The following RBFOX1 variants were observed in gnomAD, a reference collection of about 807,000 sequenced individuals.
RBFOX1 encodes the protein RNA binding protein fox-1 homolog 1.
Under a neutral mutation model 57.7 loss-of-function variants are expected in RBFOX1, and 8 were observed. The observed-to-expected ratio is 0.14, with a 90% confidence interval of 0.08 to 0.25. RBFOX1 has a LOEUF of 0.25. Among genes scored for constraint, RBFOX1 ranks in the 10% least tolerant of loss-of-function variants. RBFOX1 has a pLI of 1.00. For synonymous variants in RBFOX1, 326 were observed against 222.4 expected (o/e 1.47, Z -4.15); for missense variants, 611 against 548.5 (o/e 1.11, Z -1.14).
At chr16:5,498,338 T>G (rs1177344761) in intron 2 of RBFOX1, among the ~76,000 whole-genome samples, 6 of 152,150 alleles carry the variant, frequency 3.9e-5, no homozygotes, top group Non-Finnish European at 8.8e-5. Flanking sequence ...GAGACAGGGT[T>G]TCACCATGTT....
intron 3 of RBFOX1, among the ~76,000 whole-genome samples, chr16:6,719,994 T>A (rs1177954866): frequency 6.6e-6 from 1 of 151,882 alleles, no homozygotes; most frequent in Non-Finnish European, 1.5e-5. Flanking sequence ...CCTGGGAGGC[T>A]GAGGCAGGAG....
intron 4 of RBFOX1, among the ~76,000 whole-genome samples, chr16:7,120,254 A>G (rs111668571): frequency 6.6e-6 from 1 of 151,732 alleles, no homozygotes; most frequent in African/African-American, 2.4e-5. Flanking sequence ...CAAATCAACA[A>G]TGTAAGTGCA....
At chr16:5,522,197 A>G (rs150833379) in intron 2 of RBFOX1, among the ~76,000 whole-genome samples, 1 of 152,354 alleles carries the variant, frequency 6.6e-6, no homozygotes, top group East Asian at 1.9e-4. Flanking sequence ...ATTAAGATCT[A>G]GGTTCAAATC....
chr16:6,559,078 T>G (rs2153901925), intron 2 of RBFOX1, among the ~76,000 whole-genome samples: 1 of 152,206 alleles, frequency 6.6e-6, no homozygotes, highest in South Asian at 2.1e-4. Context: ...GTCTCATAGT[T>G]CCTTGTACTT....
At chr16:5,768,769 T>C (rs916323870) in intron 3 of RBFOX1, among the ~76,000 whole-genome samples, 2 of 152,180 alleles carry the variant, frequency 1.3e-5, no homozygotes, top group Non-Finnish European at 2.9e-5. Flanking sequence ...GGTGCTTTAG[T>C]AGCAAATGGC....
intron 3 of RBFOX1, among the ~76,000 whole-genome samples, chr16:6,760,085 T>G (rs2076392255): frequency 6.6e-6 from 1 of 152,164 alleles, no homozygotes; most frequent in African/African-American, 2.4e-5. Context: ...AAACTCAGTG[T>G]GATCTTGTTT....
intron 4 of RBFOX1, among the ~76,000 whole-genome samples, chr16:5,907,969 T>A (rs2058502344): frequency 6.6e-6 from 1 of 151,814 alleles, no homozygotes; most frequent in East Asian, 1.9e-4. Context: ...CAGGCTGATC[T>A]CAAACTGCTG....
intron 1 of RBFOX1, among the ~76,000 whole-genome samples, chr16:5,402,780 G>A (rs1299492464): frequency 1.3e-5 from 2 of 152,124 alleles, no homozygotes; most frequent in African/African-American, 4.8e-5. Context: ...AAATCTGTAG[G>A]TTGGTTCCTC....
At chr16:6,717,877 G>GAT (rs3042509) in intron 3 of RBFOX1, among the ~76,000 whole-genome samples, 2,417 of 152,218 alleles carry the variant, frequency 0.016, 78 homozygotes, top group African/African-American at 0.055. Context: ...AGCAGATCTG[G>GAT]ATATGTGTCT....
intron 2 of RBFOX1, among the ~76,000 whole-genome samples, 177 bp from the exon 3 acceptor site, chr16:6,654,426 C>T (rs577547105): frequency 6.6e-6 from 1 of 152,260 alleles, no homozygotes; most frequent in Non-Finnish European, 1.5e-5. Context: ...AATGCAAACA[C>T]CGCAGTATGT....
intron 3 of RBFOX1, among the ~76,000 whole-genome samples, chr16:6,921,125 T>C (rs973937006): frequency 6.6e-6 from 1 of 152,244 alleles, no homozygotes; most frequent in East Asian, 1.9e-4. Flanking sequence ...TTTCCTAAAC[T>C]CCCCCAGGCT....
chr16:5,328,067 C>G (rs1337342047), intron 1 of RBFOX1, among the ~76,000 whole-genome samples: 1 of 152,158 alleles, frequency 6.6e-6, no homozygotes, highest in Non-Finnish European at 1.5e-5. Context: ...CTTAGGAGTC[C>G]AGGCACCAGG....
In RBFOX1 at chr16:6,528,806, A is replaced by G. The variant is rs374703976; in HGVS notation, c.-63-125797A>G. On this transcript the variant is annotated intron_variant, in intron 2 of 15. Coordinates refer to ENST00000550418, the MANE Select transcript of RBFOX1 (RefSeq NM_018723.4). ...TTGCTTCAACCCACTAGGTGACAGT[A>G]GCATTCCACACCCCACCTCCCATCC... Among the ~76,000 whole-genome samples the G allele has an allele frequency of 1.2e-4, 19 of 152,282 alleles. 1 individual carries two copies. Among genetic ancestry groups the G allele is most frequent in the African/African-American group, 3.6e-4 (15 of 41,572 alleles).
intron 2 of RBFOX1, among the ~76,000 whole-genome samples, chr16:6,373,799 C>T (rs1221787621): frequency 6.6e-6 from 1 of 152,084 alleles, no homozygotes; most frequent in Non-Finnish European, 1.5e-5. Flanking sequence ...GGGATGTGGT[C>T]TGCATGTCTT....
chr16:6,566,984 C>T lies in RBFOX1; in HGVS notation c.-63-87619C>T, dbSNP rs148352149. On this transcript the variant is annotated intron_variant, in intron 2 of 15. Coordinates refer to ENST00000550418, the MANE Select transcript of RBFOX1 (RefSeq NM_018723.4). ...CTAAGTTAACTAATGACTACCTGTC[C>T]CAGCTTAAATTGTGTTCTAGGATTG... 1.8e-4 allele frequency among the ~76,000 whole-genome samples: 27 copies of T among 152,196 alleles called. No individual in the cohort carries two copies. In the East Asian group the frequency reaches 4.2e-3, roughly 24 times the overall value.
intron 4 of RBFOX1, among the ~76,000 whole-genome samples, chr16:7,368,078 C>G (rs2097494383): frequency 2.0e-5 from 3 of 151,930 alleles, no homozygotes. Context: ...ACCAGCCTGG[C>G]CAACGTAATG....
At chr16:5,862,323 G>C (rs946235315) in intron 3 of RBFOX1, among the ~76,000 whole-genome samples, 1 of 152,338 alleles carries the variant, frequency 6.6e-6, no homozygotes, top group South Asian at 2.1e-4. Flanking sequence ...CGGCACCGTG[G>C]TGTGTCATTT....
chr16:5,938,184 G>T (rs140947255), intron 4 of RBFOX1, among the ~76,000 whole-genome samples: 1 of 152,108 alleles, frequency 6.6e-6, no homozygotes, highest in East Asian at 1.9e-4. Flanking sequence ...ACTCCTTCTG[G>T]AATATTCTAC....
chr16:6,583,487 G>A (rs1037159932), intron 2 of RBFOX1, among the ~76,000 whole-genome samples: 1 of 152,306 alleles, frequency 6.6e-6, no homozygotes, highest in African/African-American at 2.4e-5. Flanking sequence ...CTTAGTCAAT[G>A]GAGGAAATAA....
Sources: allele counts gnomAD v4.1 joint callset (sites outside exome capture counted in the v4.1 genomes callset), GRCh38; gene constraint gnomAD v4.1.1; transcripts MANE v1.5; gene names NCBI Gene and HGNC (gene_info 2026-07-23, HGNC 2026-07-21).